The following GRIK3 variants were observed in gnomAD, a reference collection of about 807,000 sequenced individuals.
The protein encoded by GRIK3 is glutamate receptor ionotropic, kainate 3.
GRIK3 carries 29 observed loss-of-function variants against 102.5 expected under a neutral mutation model. That is an observed-to-expected ratio of 0.28 (90% CI 0.21 to 0.39). GRIK3 has a LOEUF of 0.39. Ranked by LOEUF, GRIK3 falls within the 10% of genes least tolerant of loss-of-function variation. GRIK3 has a pLI of 1.00. For synonymous variants in GRIK3, 511 were observed against 504.9 expected (o/e 1.01, Z -0.16); for missense variants, 908 against 1,252.4 (o/e 0.73, Z 4.15).
rs1342437740 is a variant in GRIK3, at chr1:37,034,290, C to G, written c.-182G>C. 6.7e-6 allele frequency among the ~76,000 whole-genome samples: 1 copy of G among 149,050 alleles called. No homozygotes were observed. Among genetic ancestry groups the G allele is most frequent in the African/African-American group, 2.4e-5 (1 of 41,050 alleles). On this transcript the variant is annotated 5_prime_UTR_variant, in exon 1 of 16. Coordinates refer to ENST00000373091, the MANE Select transcript of GRIK3 (RefSeq NM_000831.4). ...CGCACATCTTACTGGGGGGCCGCCC[C>G]GCCGGCGCCCGCCCCGCCTGGCTGC...
chr1:37,017,299 C>T (rs821252), intron 1 of GRIK3, among the ~76,000 whole-genome samples: 12,329 of 138,030 alleles, frequency 0.089, 641 homozygotes, highest in South Asian at 0.21. Context: ...TCTGGGAGGC[C>T]GAGGCAGGAG....
intron 1 of GRIK3, among the ~76,000 whole-genome samples, chr1:36,985,957 G>C (rs1642300118): frequency 6.6e-6 from 1 of 152,110 alleles, no homozygotes; most frequent in African/African-American, 2.4e-5. Flanking sequence ...TGGTGTCCTT[G>C]TAAGGAGTGT....
intron 10 of GRIK3, among the ~76,000 whole-genome samples, chr1:36,840,374 A>T (rs1296390455): frequency 6.6e-6 from 1 of 151,970 alleles, no homozygotes; most frequent in East Asian, 1.9e-4. Context: ...ATGGTGCCTT[A>T]TTTAATTCCC....
chr1:36,940,085 A>G (rs1446393506), intron 1 of GRIK3, among the ~76,000 whole-genome samples: 2 of 152,232 alleles, frequency 1.3e-5, no homozygotes, highest in Non-Finnish European at 2.9e-5. Flanking sequence ...AACACAAGCA[A>G]TAAGCAAGGA....
intron 1 of GRIK3, among the ~76,000 whole-genome samples, chr1:36,979,212 C>T (rs1400789730): frequency 6.6e-6 from 1 of 152,230 alleles, no homozygotes; most frequent in African/African-American, 2.4e-5. Context: ...ATCCACCAGC[C>T]CTCGCTACAA....
intron 1 of GRIK3, among the ~76,000 whole-genome samples, chr1:36,936,811 C>CA (rs1641663969): frequency 1.2e-5 from 1 of 86,258 alleles, no homozygotes; most frequent in Non-Finnish European, 2.7e-5. Flanking sequence ...ACTTTAACCT[C>CA]ATTTTTTTTT....
intron 1 of GRIK3, among the ~76,000 whole-genome samples, chr1:36,913,792 A>G (rs1051170003): frequency 2.6e-5 from 4 of 152,096 alleles, no homozygotes; most frequent in Non-Finnish European, 5.9e-5. Flanking sequence ...GATGCTGAAA[A>G]TATCACTGCC....
chr1:37,016,675 G>A (rs1168069511), intron 1 of GRIK3, among the ~76,000 whole-genome samples: 1 of 152,056 alleles, frequency 6.6e-6, no homozygotes, highest in Non-Finnish European at 1.5e-5. Flanking sequence ...ACTGGCCCTG[G>A]AACAGGAAAT....
intron 1 of GRIK3, among the ~76,000 whole-genome samples, chr1:36,891,679 T>G (rs1436925746): frequency 6.6e-6 from 1 of 152,116 alleles, no homozygotes; most frequent in East Asian, 1.9e-4. Context: ...GCATTCTCAT[T>G]AAAGAAAAAT....
At chr1:37,026,942 T>C (rs1379369693) in intron 1 of GRIK3, among the ~76,000 whole-genome samples, 1 of 152,024 alleles carries the variant, frequency 6.6e-6, no homozygotes. Flanking sequence ...AAATATATTA[T>C]TGACTCCAAA....
chr1:36,826,172 A>G (rs1415846234), intron 10 of GRIK3, among the ~76,000 whole-genome samples: 1 of 152,242 alleles, frequency 6.6e-6, no homozygotes, highest in African/African-American at 2.4e-5. Flanking sequence ...TCAGTAACCT[A>G]TGAACATTCA....
chr1:36,809,918 C>A (rs1642544039), intron 13 of GRIK3, among the ~76,000 whole-genome samples: 1 of 152,172 alleles, frequency 6.6e-6, no homozygotes, highest in Non-Finnish European at 1.5e-5. Flanking sequence ...TCTGGAGCCT[C>A]CTGGCTCCAG....
chr1:36,924,931 C>T (rs911545043), intron 1 of GRIK3, among the ~76,000 whole-genome samples: 1 of 152,076 alleles, frequency 6.6e-6, no homozygotes, highest in Non-Finnish European at 1.5e-5. Flanking sequence ...AACCCACACT[C>T]TCAGGATAAT....
At chr1:36,966,396 A>G (rs946055696) in intron 1 of GRIK3, among the ~76,000 whole-genome samples, 16 of 152,206 alleles carry the variant, frequency 1.1e-4, no homozygotes, top group African/African-American at 3.9e-4. Flanking sequence ...CAGAGCAGTC[A>G]AGCTTGGACT....
intron 13 of GRIK3, among the ~76,000 whole-genome samples, chr1:36,807,133 G>C (rs1309367732): frequency 6.6e-6 from 1 of 152,154 alleles, no homozygotes; most frequent in Non-Finnish European, 1.5e-5. Flanking sequence ...CAGGGCTGTA[G>C]GGTCCTGGGC....
intron 1 of GRIK3, among the ~76,000 whole-genome samples, chr1:36,941,723 C>T (rs75998798): frequency 6.6e-6 from 1 of 152,222 alleles, no homozygotes. Flanking sequence ...TTTGTCTTCA[C>T]AACTGCCCTG....
At chr1:36,914,358 A>G (rs10908318) in intron 1 of GRIK3, among the ~76,000 whole-genome samples, 123,813 of 152,146 alleles carry the variant, frequency 0.81, 51,503 homozygotes, top group Non-Finnish European at 0.89. Flanking sequence ...TTAAGTTGAG[A>G]AAACTAGAAG....
In GRIK3 at chr1:37,034,186, A is replaced by G. The variant is rs1569593745; in HGVS notation, c.-78T>C. 8.9e-6 allele frequency: 4 copies of G among 450,844 alleles called. No individual in the cohort carries two copies. The highest frequency in any genetic ancestry group is 1.4e-5 in the Non-Finnish European group (4 of 289,568). 27.9% of individuals were successfully genotyped at this position (450,844 alleles called of 1,614,324 possible). ...GCGGCAGCTCTAGGCGCGGGCGCGC[A>G]GCAGCCCCGAAGGCGCCGCCTGGCC... is the stretch of plus-strand genomic sequence containing the variant. On this transcript the variant is annotated 5_prime_UTR_variant, in exon 1 of 16. Coordinates refer to ENST00000373091, the MANE Select transcript of GRIK3 (RefSeq NM_000831.4).
At chr1:37,009,956 G>T (rs1377165996) in intron 1 of GRIK3, among the ~76,000 whole-genome samples, 2 of 152,162 alleles carry the variant, frequency 1.3e-5, no homozygotes, top group East Asian at 3.9e-4. Context: ...CAAGTACTGG[G>T]CCAGCTGAGC....
Sources: allele counts gnomAD v4.1 joint callset (sites outside exome capture counted in the v4.1 genomes callset), GRCh38; gene constraint gnomAD v4.1.1; transcripts MANE v1.5; gene names NCBI Gene and HGNC (gene_info 2026-07-23, HGNC 2026-07-21).